HNRNPLL: variants seen among roughly 807,000 people sequenced by gnomAD.
The protein encoded by HNRNPLL is heterogeneous nuclear ribonucleoprotein L-like.
In HNRNPLL, 25 loss-of-function variants were observed where a neutral mutation model predicts 67.1. The ratio of observed to expected loss-of-function variants is 0.37; its 90% confidence interval spans 0.27 to 0.52. HNRNPLL has a LOEUF of 0.52. HNRNPLL is among the 20% of genes least tolerant of loss of function. The pLI is 0.90. For missense variants in HNRNPLL, 542 were observed against 673.9 expected, an observed-to-expected ratio of 0.80 and a Z score of 2.17; for synonymous variants, 267 against 241.7, an observed-to-expected ratio of 1.10 and a Z score of -0.97.
chr2:38,574,824 G>A (rs752256394), intron 7 of HNRNPLL, among the ~76,000 whole-genome samples: 1 of 151,828 alleles, frequency 6.6e-6, no homozygotes, highest in Non-Finnish European at 1.5e-5. Flanking sequence ...ATGAGCGACT[G>A]TTTAGTAATT....
intron 1 of HNRNPLL, among the ~76,000 whole-genome samples, chr2:38,595,272 T>TAAAAAA (rs70954734): frequency 1.7e-4 from 12 of 68,756 alleles, no homozygotes; most frequent in East Asian, 4.1e-4. Context: ...AGACCTTGTC[T>TAAAAAA]AAAAAAAAAA....
chr2:38,578,771 T>A (rs913251864), intron 6 of HNRNPLL, among the ~76,000 whole-genome samples: 3 of 152,120 alleles, frequency 2.0e-5, no homozygotes, highest in African/African-American at 7.2e-5. Flanking sequence ...ATTTTTATAT[T>A]GTATAGAAAT....
intron 12 of HNRNPLL, 86 bp downstream of exon 12, chr2:38,568,113 A>T: frequency 1.3e-6 from 1 of 784,746 alleles, no homozygotes; most frequent in Non-Finnish European, 2.1e-6. Flanking sequence ...GAAGCCTATT[A>T]AGTGTTATTT....
At chr2:38,587,608 T>C (rs1666786241) in intron 2 of HNRNPLL, among the ~76,000 whole-genome samples, 1 of 152,078 alleles carries the variant, frequency 6.6e-6, no homozygotes, top group Non-Finnish European at 1.5e-5. Flanking sequence ...AAATAGAAAA[T>C]GCTGGTATCA....
rs916012861 is a variant in HNRNPLL, at chr2:38,564,573, T to C, written c.1574-336A>G. On this transcript the variant is annotated intron_variant, in intron 12 of 12. Coordinates refer to ENST00000449105, the MANE Select transcript of HNRNPLL (RefSeq NM_138394.4). ...AGGTGGAGGTTGCAGCAAGCCAAGA[T>C]TGTGCACTCTAGCCTGGGTGACAGA... Among the ~76,000 whole-genome samples, 14 of 144,440 alleles carry C rather than the reference T, an allele frequency of 9.7e-5. No homozygotes were observed. The East Asian group carries it at 1.2e-3, about 13-fold the overall frequency. The allele number at this position is 144,440 out of a possible 152,430, so 94.8% of individuals were successfully genotyped here. A position where few individuals can be genotyped will look rare whatever the true frequency, so the allele number is the denominator to read the frequency against.
intron 4 of HNRNPLL, among the ~76,000 whole-genome samples, chr2:38,582,429 G>C (rs1666566258): frequency 6.6e-6 from 1 of 152,146 alleles, no homozygotes; most frequent in Admixed American, 6.5e-5. Flanking sequence ...TCCTGCCTCA[G>C]CCTCCCAAGT....
intron 1 of HNRNPLL, chr2:38,600,081 T>A: frequency 4.1e-6 from 1 of 241,912 alleles, no homozygotes; most frequent in Non-Finnish European, 8.9e-6. Flanking sequence ...TATGTACAGG[T>A]TTCCATAGTT....
intron 4 of HNRNPLL, among the ~76,000 whole-genome samples, chr2:38,582,749 AT>A (rs1210184827): frequency 6.6e-6 from 1 of 152,012 alleles, no homozygotes; most frequent in Non-Finnish European, 1.5e-5. Context: ...GTGAAGCCCC[AT>A]CTCTACTAAA....
intron 8 of HNRNPLL, 112 bp from the exon 9 acceptor site, chr2:38,570,037 G>A (rs966223515): frequency 1.0e-5 from 7 of 699,684 alleles, no homozygotes; most frequent in Non-Finnish European, 9.7e-6. Flanking sequence ...AAGATCACCT[G>A]GATTTTAACT....
At chr2:38,599,876 G>C in intron 1 of HNRNPLL, 1 of 470,850 alleles carries the variant, frequency 2.1e-6, no homozygotes, top group South Asian at 1.6e-5. Context: ...GAGTTGAAAA[G>C]AATGCCATCA....
rs1167198914 is a variant in HNRNPLL at position 38,581,929 on chromosome 2, T to C, written c.786A>G (p.Pro262=). ...NDNDSWDYTK[P]YLGRRDRGKG... is the part of the protein sequence containing the mutation. ...AATACCTACCTCGTCTTCCCAAATA[T>C]GGTTTAGTGTAGTCCCAACTGTCAT... is the stretch of plus-strand genomic sequence containing the variant. Residue 262 remains proline (P), a synonymous_variant, in exon 6 of 13, where the codon CCA becomes CCG. Transcript: ENST00000449105. 1.2e-6 allele frequency: 2 copies of C among 1,610,220 alleles called. No homozygotes were observed. Among genetic ancestry groups the C allele is most frequent in the South Asian group, 1.1e-5 (1 of 90,980 alleles).
intron 1 of HNRNPLL, among the ~76,000 whole-genome samples, chr2:38,598,731 CT>C (rs758070844): frequency 6.6e-6 from 1 of 152,216 alleles, no homozygotes; most frequent in Admixed American, 6.5e-5. Context: ...CTTGATTGTG[CT>C]ACTGGCTCTA....
At position 38,569,147 on chromosome 2, in the gene HNRNPLL, C is replaced by G. The variant is rs1271641626; in HGVS notation, c.1402G>C (p.Glu468Gln). The G allele has an allele frequency of 6.2e-7, 1 of 1,607,554 alleles. No individual in the cohort carries two copies. The highest frequency in any genetic ancestry group is 1.7e-5 in the Admixed American group (1 of 60,006). Residue 468 changes from glutamate to glutamine, a missense_variant, in exon 10 of 13, where the codon GAG becomes CAG. This residue lies in a region of HNRNPLL where 415 missense variants were observed against 575.2 expected (regional missense o/e 0.72). Transcript: ENST00000449105. ...TCAGTGCCTACCTTTGTGAAGGTCT[C>G]TTCTGTGACACACAATGGAACATTA... is the stretch of plus-strand genomic sequence containing the variant. Reference protein sequence around the residue: ...YYNVPLCVTEETFTKLCNDHE... With the variant: ...YYNVPLCVTEQTFTKLCNDHE...
At chr2:38,568,514 C>G (rs916800485) in intron 10 of HNRNPLL, 71 bp from the exon 11 acceptor site, 5 of 968,780 alleles carry the variant, frequency 5.2e-6, no homozygotes, top group Non-Finnish European at 7.9e-6. Context: ...AGAAAGTAAA[C>G]TTTATGGCAG....
At chr2:38,567,144 C>A (rs1665893522) in intron 12 of HNRNPLL, among the ~76,000 whole-genome samples, 1 of 152,080 alleles carries the variant, frequency 6.6e-6, no homozygotes, top group African/African-American at 2.4e-5. Flanking sequence ...TGCTCTGTTG[C>A]CCAGGCTGGA....
At chr2:38,585,588 C>G (rs1666692404) in intron 3 of HNRNPLL, 56 bp downstream of exon 3, 1 of 1,091,202 alleles carries the variant, frequency 9.2e-7, no homozygotes, top group Non-Finnish European at 1.4e-6. Context: ...ATCAGTCACT[C>G]TGGAGGCAAA....
chr2:38,583,834 AG>A lies in HNRNPLL; in HGVS notation c.632+6del. On this transcript the variant is annotated splice_donor_region_variant and intron_variant, in intron 4 of 12. Transcript: ENST00000449105. ...CACATCAATAAAAATTTACAAATAA[AG>A]GATATTCAACCATTGCTTGTATCCC... 7.3e-7 allele frequency: 1 copy of A among 1,378,572 alleles called. No individual in the cohort carries two copies. Among genetic ancestry groups the A allele is most frequent in the Non-Finnish European group, 1.0e-6 (1 of 988,102 alleles). The allele number at this position is 1,378,572 out of a possible 1,614,324, so 85.4% of individuals were successfully genotyped here.
intron 3 of HNRNPLL, among the ~76,000 whole-genome samples, chr2:38,585,097 T>C (rs748586688): frequency 3.3e-5 from 5 of 152,244 alleles, no homozygotes; most frequent in Non-Finnish European, 5.9e-5. Context: ...TCTGTGTTAC[T>C]AGCTTATTAT....
intron 2 of HNRNPLL, among the ~76,000 whole-genome samples, chr2:38,587,076 T>C (rs193083199): frequency 5.4e-4 from 83 of 152,304 alleles, no homozygotes; most frequent in African/African-American, 4.8e-5. Context: ...GTTTTCGTAA[T>C]AGCAGAAGGC....
Sources: gnomAD v4.1 joint callset for allele counts (sites outside exome capture counted in the v4.1 genomes callset) on GRCh38, gnomAD v4.1.1 for gene constraint, gnomAD v4.1.1 regional missense constraint, MANE v1.5 for transcripts, NCBI Gene and HGNC (gene_info 2026-07-23, HGNC 2026-07-21) for gene names.